Variants in ESRRG observed in about 807,000 individuals in gnomAD.
The protein encoded by ESRRG is estrogen-related receptor gamma.
A neutral mutation model predicts 44.0 loss-of-function variants in ESRRG; 13 were observed. The observed-to-expected ratio is 0.30, with a 90% CI of 0.19 to 0.47. The LOEUF is 0.47. Among genes scored for constraint, ESRRG ranks in the 20% least tolerant of loss-of-function variants. ESRRG has a pLI of 1.00. For missense variants in ESRRG, 395 were observed against 580.6 expected (o/e 0.68, Z 3.29); for synonymous variants, 215 against 214.6 (o/e 1.00, Z -0.02).
At chr1:216,700,034 A>G (rs1440280856) in intron 1 of ESRRG, among the ~76,000 whole-genome samples, 1 of 152,148 alleles carries the variant, frequency 6.6e-6, no homozygotes, top group Admixed American at 6.5e-5. Flanking sequence ...TGGATGTATC[A>G]GTCATCGTTG....
At chr1:217,112,463 C>G (rs571137898) in intron 1 of ESRRG, among the ~76,000 whole-genome samples, 1 of 152,268 alleles carries the variant, frequency 6.6e-6, no homozygotes, top group African/African-American at 2.4e-5. Context: ...TACTGGCCAA[C>G]AGTTAGCAAT....
intron 1 of ESRRG, among the ~76,000 whole-genome samples, chr1:216,679,342 C>G (rs140747576): frequency 2.0e-5 from 3 of 150,300 alleles, no homozygotes; most frequent in Non-Finnish European, 4.4e-5. Context: ...GGGCTAAGCA[C>G]TTTCCTCAAG....
Position 216,751,327 on chromosome 1 carries a change from G to A in ESRRG, c.-13-73836C>T, listed in dbSNP as rs1169746292. On this transcript the variant is annotated intron_variant, in intron 2 of 7. Transcript: ENST00000359162. Reference sequence around the variant, plus strand: ...AAATGCTAGTCACAGCAAAAGAGATGAAGGGACAAAATCTTAGGGACTGTG... The same window carrying A: ...AAATGCTAGTCACAGCAAAAGAGATAAAGGGACAAAATCTTAGGGACTGTG... 2.0e-5 allele frequency among the ~76,000 whole-genome samples: 3 copies of A among 152,170 alleles called. No homozygotes were observed. The East Asian group carries it at 5.8e-4, about 29-fold the overall frequency.
intron 2 of ESRRG, among the ~76,000 whole-genome samples, chr1:216,744,443 T>C (rs1175662225): frequency 6.6e-6 from 1 of 151,230 alleles, no homozygotes; most frequent in Non-Finnish European, 1.5e-5. Flanking sequence ...CCATCCCATC[T>C]GAGTCTAGTA....
At chr1:216,515,609 T>C (rs1449465929) in intron 6 of ESRRG, among the ~76,000 whole-genome samples, 3 of 152,174 alleles carry the variant, frequency 2.0e-5, no homozygotes, top group South Asian at 2.1e-4. Flanking sequence ...TGTAGCTTGA[T>C]ATCAATAGGT....
intron 1 of ESRRG, among the ~76,000 whole-genome samples, chr1:216,963,739 C>T (rs11572464): frequency 4.5e-4 from 68 of 152,154 alleles, no homozygotes; most frequent in African/African-American, 1.3e-3. Flanking sequence ...TAAGGGACAC[C>T]AGAGGCCAAC....
chr1:217,051,991 A>C (rs770162663), intron 1 of ESRRG, among the ~76,000 whole-genome samples: 11 of 151,040 alleles, frequency 7.3e-5, no homozygotes, highest in Non-Finnish European at 1.5e-4. Context: ...GGCTGACCTC[A>C]AACTCCTGGG....
At chr1:216,750,103 C>T (rs1013434696) in intron 2 of ESRRG, among the ~76,000 whole-genome samples, 1 of 152,128 alleles carries the variant, frequency 6.6e-6, no homozygotes, top group African/African-American at 2.4e-5. Flanking sequence ...CCCTCCCTTC[C>T]TTCAGCTTTA....
At chr1:216,766,253 C>A (rs542229816) in intron 2 of ESRRG, among the ~76,000 whole-genome samples, 99 of 152,206 alleles carry the variant, frequency 6.5e-4, no homozygotes, top group Non-Finnish European at 6.6e-4. Flanking sequence ...ATGAAGATAA[C>A]TCCCTGCATT....
chr1:217,084,458 T>C (rs200857450), intron 1 of ESRRG, among the ~76,000 whole-genome samples: 1 of 107,166 alleles, frequency 9.3e-6, no homozygotes, highest in Non-Finnish European at 2.2e-5. Flanking sequence ...TAATCTAATA[T>C]ATCTTAGAAT....
At chr1:217,023,980 C>T (rs894564402) in intron 1 of ESRRG, among the ~76,000 whole-genome samples, 10 of 152,246 alleles carry the variant, frequency 6.6e-5, no homozygotes, top group African/African-American at 1.2e-4. Context: ...TTCAAGATAT[C>T]GTAAACCTAA....
intron 2 of ESRRG, among the ~76,000 whole-genome samples, chr1:216,914,870 C>A (rs1271041481): frequency 6.6e-6 from 1 of 152,176 alleles, no homozygotes; most frequent in Non-Finnish European, 1.5e-5. Context: ...GAAACATACC[C>A]TTTACCTCTT....
intron 1 of ESRRG, among the ~76,000 whole-genome samples, chr1:216,694,366 G>A (rs1466338878): frequency 6.6e-6 from 1 of 152,048 alleles, no homozygotes; most frequent in Non-Finnish European, 1.5e-5. Context: ...TACTGTAGGG[G>A]ATATGGAATC....
At chr1:216,524,386 C>A (rs1459756664) in intron 5 of ESRRG, among the ~76,000 whole-genome samples, 1 of 150,976 alleles carries the variant, frequency 6.6e-6, no homozygotes, top group Non-Finnish European at 1.5e-5. Flanking sequence ...AAAGCTGGAA[C>A]ATCTACATGG....
At chr1:216,808,493 C>T (rs2094868531) in intron 2 of ESRRG, among the ~76,000 whole-genome samples, 1 of 152,146 alleles carries the variant, frequency 6.6e-6, no homozygotes. Flanking sequence ...GTGGCATGCT[C>T]ATGTCTCACA....
intron 1 of ESRRG, among the ~76,000 whole-genome samples, chr1:217,102,248 G>A (rs552989219): frequency 1.3e-5 from 2 of 152,352 alleles, no homozygotes; most frequent in Middle Eastern, 3.4e-3. Context: ...GCACAAAGTG[G>A]TTAGGAAACT....
At chr1:216,930,372 A>G (rs2063176674) in intron 2 of ESRRG, among the ~76,000 whole-genome samples, 1 of 152,058 alleles carries the variant, frequency 6.6e-6, no homozygotes. Context: ...TCCCCTGAGC[A>G]TTCCCCAGCT....
chr1:216,721,480 T>A (rs1197301071), intron 1 of ESRRG, among the ~76,000 whole-genome samples: 1 of 152,206 alleles, frequency 6.6e-6, no homozygotes. Context: ...AAATCTGTAT[T>A]TTTTAAAGAT....
chr1:216,966,983 T>G (rs1029196103), intron 1 of ESRRG, among the ~76,000 whole-genome samples: 3 of 152,154 alleles, frequency 2.0e-5, no homozygotes, highest in African/African-American at 7.2e-5. Context: ...CAGCCTTGTG[T>G]ACACATCCAT....
Sources: gnomAD v4.1 joint callset for allele counts (sites outside exome capture counted in the v4.1 genomes callset) on GRCh38, gnomAD v4.1.1 for gene constraint, MANE v1.5 for transcripts, NCBI Gene and HGNC (gene_info 2026-07-23, HGNC 2026-07-21) for gene names.